MMP16: variants seen among roughly 807,000 people sequenced by gnomAD.
The protein encoded by MMP16 is matrix metalloproteinase-16.
A neutral mutation model predicts 67.8 loss-of-function variants in MMP16; 12 were observed. That is an observed-to-expected ratio of 0.18 (90% confidence interval 0.11 to 0.29). The LOEUF (loss-of-function observed/expected upper bound fraction) is 0.29. MMP16 is among the 10% of genes least tolerant of loss of function. MMP16 has a pLI of 1.00. For synonymous variants in MMP16, 249 were observed against 255.9 expected (o/e 0.97, Z 0.26); for missense variants, 475 against 765.7 (o/e 0.62, Z 4.48).
intron 1 of MMP16, among the ~76,000 whole-genome samples, chr8:88,315,252 C>G (rs1487556574): frequency 2.0e-5 from 3 of 152,190 alleles, no homozygotes; most frequent in Non-Finnish European, 4.4e-5. Context: ...CATGTGCTCA[C>G]TTCACATCTC....
chr8:88,325,810 C>A (rs28907880), intron 1 of MMP16, among the ~76,000 whole-genome samples: 26 of 152,120 alleles, frequency 1.7e-4, no homozygotes, highest in African/African-American at 6.0e-4. Flanking sequence ...ATAGCTCTTA[C>A]TTTTTCAAAT....
At chr8:88,294,826 C>A (rs1291182493) in intron 1 of MMP16, among the ~76,000 whole-genome samples, 2 of 152,270 alleles carry the variant, frequency 1.3e-5, no homozygotes, top group Non-Finnish European at 2.9e-5. Flanking sequence ...TAGTCTCCTG[C>A]TTCAGCCTCC....
chr8:88,194,848 T>TA (rs1193426869), intron 2 of MMP16, among the ~76,000 whole-genome samples: 1 of 152,122 alleles, frequency 6.6e-6, no homozygotes, highest in Non-Finnish European at 1.5e-5. Flanking sequence ...TTTGTTCAAA[T>TA]AAAAATAAAA....
At chr8:88,114,156 T>C (rs1171383341) in intron 6 of MMP16, among the ~76,000 whole-genome samples, 2 of 151,948 alleles carry the variant, frequency 1.3e-5, no homozygotes, top group African/African-American at 4.8e-5. Flanking sequence ...GGTTATCCAA[T>C]CTGTGACAAC....
chr8:88,140,229 A>C (rs1586171370), intron 4 of MMP16, among the ~76,000 whole-genome samples: 1 of 152,238 alleles, frequency 6.6e-6, no homozygotes, highest in East Asian at 1.9e-4. Flanking sequence ...CTCGGGTCTC[A>C]TATGGCCTAG....
chr8:88,099,221 G>A (rs1202728471), intron 6 of MMP16, among the ~76,000 whole-genome samples: 1 of 151,514 alleles, frequency 6.6e-6, no homozygotes, highest in East Asian at 2.0e-4. Flanking sequence ...TGGGGAAAAT[G>A]GGAAACATTT....
intron 1 of MMP16, among the ~76,000 whole-genome samples, chr8:88,266,304 C>A (rs1445747335): frequency 4.6e-5 from 7 of 151,646 alleles, no homozygotes; most frequent in Non-Finnish European, 8.8e-5. Flanking sequence ...CTAAGACCAT[C>A]TCCTTATTAG....
At chr8:88,309,035 G>A (rs1475804645) in intron 1 of MMP16, among the ~76,000 whole-genome samples, 1 of 151,996 alleles carries the variant, frequency 6.6e-6, no homozygotes, top group Non-Finnish European at 1.5e-5. Flanking sequence ...GCACTGGCAA[G>A]TGTGTGTGGA....
At chr8:88,253,845 A>G (rs956159152) in intron 1 of MMP16, among the ~76,000 whole-genome samples, 2 of 149,024 alleles carry the variant, frequency 1.3e-5, no homozygotes, top group East Asian at 3.9e-4. Flanking sequence ...TTTTCTTCTA[A>G]TTTTTTTTTT....
At chr8:88,068,855 C>T (rs1023442345) in intron 7 of MMP16, among the ~76,000 whole-genome samples, 4 of 152,038 alleles carry the variant, frequency 2.6e-5, no homozygotes, top group Non-Finnish European at 5.9e-5. Context: ...AAGCCTGCCA[C>T]CAAGCCTGGC....
At chr8:88,127,580 G>A (rs527900253) in intron 4 of MMP16, among the ~76,000 whole-genome samples, 2 of 151,802 alleles carry the variant, frequency 1.3e-5, no homozygotes, top group South Asian at 4.1e-4. Context: ...TCCATGTAAA[G>A]ATCATTTCAT....
intron 9 of MMP16, among the ~76,000 whole-genome samples, chr8:88,046,124 C>A (rs941398917): frequency 2.6e-5 from 4 of 152,106 alleles, no homozygotes; most frequent in Admixed American, 6.6e-5. Flanking sequence ...AATGTGAAAT[C>A]CTGGGATAGC....
At chr8:88,233,207 A>T (rs1174442688) in intron 1 of MMP16, among the ~76,000 whole-genome samples, 1 of 152,168 alleles carries the variant, frequency 6.6e-6, no homozygotes, top group Non-Finnish European at 1.5e-5. Flanking sequence ...TATTATTCCA[A>T]CGACACTCCA....
chr8:88,057,910 A>C (rs752299174), intron 7 of MMP16, among the ~76,000 whole-genome samples: 4 of 152,188 alleles, frequency 2.6e-5, no homozygotes, highest in Non-Finnish European at 5.9e-5. Context: ...AAGCAGATGA[A>C]AACCAAATAT....
At chr8:88,127,280 T>G (rs947231870) in intron 4 of MMP16, among the ~76,000 whole-genome samples, 19 of 151,830 alleles carry the variant, frequency 1.3e-4, no homozygotes, top group Non-Finnish European at 2.4e-4. Flanking sequence ...GAAATGATAT[T>G]GCTGTACAGT....
chr8:88,253,478 AT>A (rs1305373432), intron 1 of MMP16, among the ~76,000 whole-genome samples: 1 of 152,126 alleles, frequency 6.6e-6, no homozygotes, highest in Non-Finnish European at 1.5e-5. Context: ...TGTGATGAAA[AT>A]GGCAACAGTC....
chr8:88,071,450 A>G (rs2118269475), intron 7 of MMP16, among the ~76,000 whole-genome samples: 1 of 152,252 alleles, frequency 6.6e-6, no homozygotes, highest in South Asian at 2.1e-4. Flanking sequence ...AGCTTCTCAA[A>G]TATATAATAA....
Position 88,074,663 on chromosome 8 carries a change from C to A in MMP16, c.1164G>T (p.Leu388Phe), listed in dbSNP as rs1808614426. The change falls in exon 7 of 10, where the codon TTG becomes TTT. Residue 388 changes from leucine (L) to phenylalanine (F), a missense_variant. By Grantham distance (22) the Leu-to-Phe change is conservative. Coordinates refer to ENST00000286614, the MANE Select transcript of MMP16 (RefSeq NM_005941.5). ...CATAAACTGCATCGATACTAGGAGGCAAGCCCCGCCAGAAGTAAGTAATTT... is the reference window on the plus strand; with the variant it reads ...CATAAACTGCATCGATACTAGGAGGAAAGCCCCGCCAGAAGTAAGTAATTT... ...PMQITYFWRGLPPSIDAVYEN... is the reference protein window; with the variant it reads ...PMQITYFWRGFPPSIDAVYEN... 6.2e-7 allele frequency: 1 copy of A among 1,613,704 alleles called. No individual in the cohort carries two copies. Among genetic ancestry groups the A allele is most frequent in the Admixed American group, 1.7e-5 (1 of 59,972 alleles).
chr8:88,315,408 G>T (rs75290858), intron 1 of MMP16, among the ~76,000 whole-genome samples: 1,740 of 152,140 alleles, frequency 0.011, 17 homozygotes, highest in Non-Finnish European at 0.018. Context: ...GAAATATCTT[G>T]TAGCATTAGT....
Sources: gnomAD v4.1 joint callset for allele counts (sites outside exome capture counted in the v4.1 genomes callset) on GRCh38, gnomAD v4.1.1 for gene constraint, MANE v1.5 for transcripts, NCBI Gene and HGNC (gene_info 2026-07-23, HGNC 2026-07-21) for gene names.